AFAP1L2: variants seen among roughly 807,000 people sequenced by gnomAD.
The protein encoded by AFAP1L2 is actin filament associated protein 1 like 2.
Under a neutral mutation model 99.3 loss-of-function variants are expected in AFAP1L2, and 46 were observed. The ratio of observed to expected loss-of-function variants is 0.46; its 90% CI spans 0.37 to 0.59. The LOEUF (loss-of-function observed/expected upper bound fraction) is 0.59, where lower values mean the gene tolerates loss of function less well. Ranked by LOEUF, AFAP1L2 falls within the 20% of genes least tolerant of loss-of-function variation. AFAP1L2 has a pLI of 0.00. For missense variants in AFAP1L2, 959 were observed against 1,034.9 expected, an observed-to-expected ratio of 0.93 and a Z score of 1.01; for synonymous variants, 397 against 419.1, an observed-to-expected ratio of 0.95 and a Z score of 0.64.
intron 1 of AFAP1L2, among the ~76,000 whole-genome samples, chr10:114,400,754 A>C (rs1433043703): frequency 6.6e-6 from 1 of 152,216 alleles, no homozygotes; most frequent in African/African-American, 2.4e-5. Flanking sequence ...GAATCACCTG[A>C]AGACCTTTAA....
chr10:114,402,176 A>G (rs111885001), intron 1 of AFAP1L2, among the ~76,000 whole-genome samples: 1,540 of 152,326 alleles, frequency 0.01, 22 homozygotes, highest in African/African-American at 0.034. Context: ...TAACTATTCA[A>G]TCTCAACTTT....
downstream of AFAP1L2, chr10:114,290,076 TACTA>T: frequency 1.2e-6 from 1 of 832,292 alleles, no homozygotes; most frequent in Non-Finnish European, 1.8e-6. Context: ...AGCTGGGTCT[TACTA>T]ACCTAGCCAA....
intron 8 of AFAP1L2, among the ~76,000 whole-genome samples, chr10:114,309,343 G>A (rs1259723133): frequency 6.6e-6 from 1 of 152,226 alleles, no homozygotes; most frequent in Non-Finnish European, 1.5e-5. Flanking sequence ...AATCTGGAAG[G>A]ACTGTGGGCT....
chr10:114,288,424 G>A, the AFAP1L2 span, among the ~76,000 whole-genome samples: 1 of 152,242 alleles, frequency 6.6e-6, no homozygotes, highest in Non-Finnish European at 1.5e-5. Context: ...GCATACTGGG[G>A]ATGGATGAAG....
the AFAP1L2 span, among the ~76,000 whole-genome samples, chr10:114,286,932 G>C: frequency 6.6e-6 from 1 of 152,202 alleles, no homozygotes; most frequent in Non-Finnish European, 1.5e-5. Flanking sequence ...ACATGCACAT[G>C]TATGCACACA....
intron 10 of AFAP1L2, among the ~76,000 whole-genome samples, chr10:114,306,652 C>A (rs2134315956): frequency 1.3e-5 from 2 of 152,192 alleles, no homozygotes; most frequent in East Asian, 3.9e-4. Context: ...CCGTCACAAT[C>A]CTCTGGACCA....
chr10:114,335,535 C>G (rs1245969719), intron 2 of AFAP1L2, among the ~76,000 whole-genome samples: 2 of 151,532 alleles, frequency 1.3e-5, no homozygotes, highest in Non-Finnish European at 2.9e-5. Flanking sequence ...ATGGCATGAA[C>G]CCAGGAGGCA....
intron 1 of AFAP1L2, among the ~76,000 whole-genome samples, chr10:114,361,766 C>G (rs545089653): frequency 5.3e-5 from 8 of 152,232 alleles, no homozygotes; most frequent in African/African-American, 1.9e-4. Context: ...ATGTGTTAGA[C>G]CCTTAGATTT....
At chr10:114,385,683 A>C (rs1468847056) in intron 1 of AFAP1L2, among the ~76,000 whole-genome samples, 2 of 152,176 alleles carry the variant, frequency 1.3e-5, no homozygotes, top group South Asian at 4.1e-4. Context: ...GCCAGCCTGT[A>C]ATAAAATGAA....
rs1374338867 is a variant in AFAP1L2, at chr10:114,384,714, A to C, written c.16+19726T>G. Among the ~76,000 whole-genome samples, 3 of 152,176 alleles carry C rather than the reference A, an allele frequency of 2.0e-5. No individual in the cohort carries two copies. In the East Asian group the frequency reaches 5.8e-4, roughly 29 times the overall value. On this transcript the variant is annotated intron_variant, in intron 1 of 18. Transcript: ENST00000304129. ...CGGTTAAACACCTACTTCCAGAGAG[A>C]GGTACAGCCACAGCCTAGCCCACGG...
chr10:114,352,999 T>C (rs900164617), intron 1 of AFAP1L2, among the ~76,000 whole-genome samples: 8 of 152,200 alleles, frequency 5.3e-5, no homozygotes, highest in Non-Finnish European at 1.0e-4. Flanking sequence ...CCTTACTGTC[T>C]ATATTTGTGG....
At chr10:114,393,560 G>GT (rs2138080639) in intron 1 of AFAP1L2, 1 of 152,270 alleles carries the variant, frequency 6.6e-6, no homozygotes, top group East Asian at 1.9e-4. Context: ...CTCTTTCATC[G>GT]TGAGTAGAGA....
chr10:114,381,291 T>C (rs757164448), intron 1 of AFAP1L2, among the ~76,000 whole-genome samples: 11 of 152,186 alleles, frequency 7.2e-5, no homozygotes, highest in African/African-American at 2.7e-4. Context: ...AGAGTCTACA[T>C]AGCATATGAT....
At chr10:114,362,907 G>T (rs549167360) in intron 1 of AFAP1L2, 1 of 958,378 alleles carries the variant, frequency 1.0e-6, no homozygotes, top group African/African-American at 1.8e-5. Context: ...CTGAAACAAG[G>T]CCCTCCATCT....
chr10:114,386,136 C>T (rs1189698796), intron 1 of AFAP1L2, among the ~76,000 whole-genome samples: 1 of 152,174 alleles, frequency 6.6e-6, no homozygotes, highest in African/African-American at 2.4e-5. Flanking sequence ...AGGTCCCAGG[C>T]CCTCGGTAAC....
intron 1 of AFAP1L2, chr10:114,363,058 C>T: frequency 1.0e-6 from 1 of 985,426 alleles, no homozygotes; most frequent in Non-Finnish European, 1.2e-6. Context: ...CTGCTCTCCG[C>T]TGGGGTCGGC....
intron 1 of AFAP1L2, among the ~76,000 whole-genome samples, chr10:114,390,681 A>G (rs1175091009): frequency 2.1e-5 from 3 of 143,008 alleles, no homozygotes; most frequent in African/African-American, 2.6e-5. Context: ...AGATCACGCC[A>G]CTGTACTCCA....
intron 8 of AFAP1L2, 91 bp from the exon 9 acceptor site, chr10:114,308,608 G>T: frequency 8.5e-7 from 1 of 1,173,528 alleles, no homozygotes; most frequent in East Asian, 2.4e-5. Context: ...GATGGCTCTT[G>T]GTTGTATGCC....
At chr10:114,311,778 A>G (rs2043279073) in intron 7 of AFAP1L2, among the ~76,000 whole-genome samples, 1 of 152,124 alleles carries the variant, frequency 6.6e-6, no homozygotes, top group Non-Finnish European at 1.5e-5. Context: ...CTTTACTGGG[A>G]CCGTCGTCCC....
Sources: gnomAD v4.1 joint callset for allele counts (sites outside exome capture counted in the v4.1 genomes callset) on GRCh38, gnomAD v4.1.1 for gene constraint, MANE v1.5 for transcripts, NCBI Gene and HGNC (gene_info 2026-07-23, HGNC 2026-07-21) for gene names.